The following DGKI variants were observed in gnomAD, a reference collection of about 807,000 sequenced individuals.
DGKI encodes the protein diacylglycerol kinase iota.
DGKI carries 55 observed loss-of-function variants against 147.5 expected under a neutral mutation model. The observed-to-expected ratio is 0.37, with a 90% CI of 0.30 to 0.47. DGKI has a LOEUF of 0.47. Ranked by LOEUF, DGKI falls within the 20% of genes least tolerant of loss-of-function variation. The pLI is 1.00. For synonymous variants in DGKI, 469 were observed against 477.1 expected (o/e 0.98, Z 0.22); for missense variants, 1,007 against 1,323.8 (o/e 0.76, Z 3.71).
intron 28 of DGKI, among the ~76,000 whole-genome samples, chr7:137,432,086 T>G (rs1489012848): frequency 1.3e-5 from 2 of 152,208 alleles, no homozygotes. Context: ...CTCTTCCTCC[T>G]GCTCCAGCCA....
intron 1 of DGKI, among the ~76,000 whole-genome samples, chr7:137,832,839 C>T (rs1040550926): frequency 2.0e-5 from 3 of 152,264 alleles, no homozygotes; most frequent in African/African-American, 7.2e-5. Flanking sequence ...ATCCAAGTTA[C>T]TTCTTGATTG....
At chr7:137,611,018 C>T (rs1031649470) in intron 8 of DGKI, among the ~76,000 whole-genome samples, 1 of 152,178 alleles carries the variant, frequency 6.6e-6, no homozygotes, top group Admixed American at 6.5e-5. Context: ...CATTCCTCAT[C>T]ACTCACTGTT....
intron 28 of DGKI, among the ~76,000 whole-genome samples, chr7:137,427,278 A>T (rs1812856135): frequency 6.6e-6 from 1 of 152,214 alleles, no homozygotes; most frequent in Non-Finnish European, 1.5e-5. Context: ...ATGGAAACTG[A>T]ACAACCTGCT....
intron 28 of DGKI, among the ~76,000 whole-genome samples, chr7:137,423,962 C>T (rs570006899): frequency 6.6e-6 from 1 of 152,132 alleles, no homozygotes; most frequent in Non-Finnish European, 1.5e-5. Context: ...GTTTGCTGCA[C>T]CCACCAACCC....
intron 1 of DGKI, among the ~76,000 whole-genome samples, chr7:137,785,656 G>A (rs1381560485): frequency 6.6e-6 from 1 of 151,782 alleles, no homozygotes; most frequent in Non-Finnish European, 1.5e-5. Context: ...CCAAAACCAG[G>A]GAAGGACATT....
intron 6 of DGKI, among the ~76,000 whole-genome samples, chr7:137,639,854 G>A (rs1478183804): frequency 1.3e-5 from 2 of 151,976 alleles, no homozygotes. Flanking sequence ...AATTCTTTGG[G>A]GGTATAATTT....
chr7:137,447,802 G>C (rs1029381570), intron 27 of DGKI, among the ~76,000 whole-genome samples: 2 of 152,194 alleles, frequency 1.3e-5, no homozygotes, highest in Non-Finnish European at 2.9e-5. Flanking sequence ...GCAGGCAGTG[G>C]AGAGTGAACC....
intron 21 of DGKI, among the ~76,000 whole-genome samples, chr7:137,508,384 G>A (rs1816446629): frequency 6.6e-6 from 1 of 151,782 alleles, no homozygotes; most frequent in Non-Finnish European, 1.5e-5. Context: ...CCACCACCAT[G>A]TCCAGCTAAT....
At chr7:137,776,138 G>T (rs900880810) in intron 1 of DGKI, among the ~76,000 whole-genome samples, 1 of 152,134 alleles carries the variant, frequency 6.6e-6, no homozygotes, top group Non-Finnish European at 1.5e-5. Context: ...GATTACAGGC[G>T]TGAGCCACCA....
chr7:137,533,125 CT>C (rs549653914), intron 20 of DGKI, among the ~76,000 whole-genome samples: 6 of 151,812 alleles, frequency 4.0e-5, no homozygotes, highest in East Asian at 1.9e-4. Flanking sequence ...TCTCTAAAAA[CT>C]TTTTTTTAAA....
chr7:137,472,103 G>A (rs1410451320), intron 23 of DGKI, among the ~76,000 whole-genome samples: 6 of 107,772 alleles, frequency 5.6e-5, no homozygotes, highest in South Asian at 2.7e-4. Flanking sequence ...ACACATATAT[G>A]TGTATATATA....
intron 20 of DGKI, among the ~76,000 whole-genome samples, chr7:137,525,347 G>A (rs1817106579): frequency 6.6e-6 from 1 of 152,048 alleles, no homozygotes; most frequent in East Asian, 1.9e-4. Flanking sequence ...TAGTCTTCTG[G>A]GCGGGGTATC....
At chr7:137,578,400 C>G (rs1211958204) in intron 15 of DGKI, 75 bp from the exon 16 acceptor site, 6 of 986,130 alleles carry the variant, frequency 6.1e-6, no homozygotes, top group Non-Finnish European at 9.8e-6. Context: ...CTCCTACTTC[C>G]TCCCCAGCTC....
At chr7:137,716,143 T>C (rs1017343220) in intron 1 of DGKI, among the ~76,000 whole-genome samples, 1 of 152,196 alleles carries the variant, frequency 6.6e-6, no homozygotes, top group Non-Finnish European at 1.5e-5. Flanking sequence ...GCATTCACAA[T>C]CTGGTCTCTG....
intron 20 of DGKI, among the ~76,000 whole-genome samples, chr7:137,531,614 T>C (rs940188228): frequency 5.9e-5 from 9 of 152,210 alleles, no homozygotes; most frequent in African/African-American, 2.2e-4. Flanking sequence ...CATTTTCTGC[T>C]TCAGCTTTCA....
At chr7:137,671,261 T>C (rs1822834949) in intron 3 of DGKI, among the ~76,000 whole-genome samples, 1 of 152,194 alleles carries the variant, frequency 6.6e-6, no homozygotes, top group African/African-American at 2.4e-5. Context: ...TTACAGACAA[T>C]GATGAGGCTT....
At chr7:137,576,977 G>A (rs1009831850) in intron 17 of DGKI, among the ~76,000 whole-genome samples, 1 of 152,066 alleles carries the variant, frequency 6.6e-6, no homozygotes, top group African/African-American at 2.4e-5. Context: ...AGTGACTTAT[G>A]TGACCTTCTT....
rs375362333 is a variant in DGKI, at chr7:137,463,837, G to C, written c.2613-226C>G. Among the ~76,000 whole-genome samples the C allele has an allele frequency of 1.6e-4, 24 of 152,240 alleles. 1 individual carries two copies. The highest frequency in any genetic ancestry group is 5.8e-4 in the African/African-American group (24 of 41,548). Reference sequence around the variant, plus strand: ...CACAGATGAGAAAACTGATTTTCAAGATTAAGTCATTTTAAATGTGACATG... The same window carrying C: ...CACAGATGAGAAAACTGATTTTCAACATTAAGTCATTTTAAATGTGACATG... On this transcript the variant is annotated intron_variant, in intron 26 of 32. Coordinates refer to ENST00000614521, the MANE Select transcript of DGKI (RefSeq NM_001321708.2).
chr7:137,835,376 T>G (rs1254872277), intron 1 of DGKI, among the ~76,000 whole-genome samples: 1 of 152,162 alleles, frequency 6.6e-6, no homozygotes, highest in South Asian at 2.1e-4. Flanking sequence ...TCAACAAATA[T>G]GTTGAGGTGG....
Sources: gnomAD v4.1 joint callset for allele counts (sites outside exome capture counted in the v4.1 genomes callset) on GRCh38, gnomAD v4.1.1 for gene constraint, MANE v1.5 for transcripts, NCBI Gene and HGNC (gene_info 2026-07-23, HGNC 2026-07-21) for gene names.